Variants in GPRC5C observed in about 807,000 individuals in gnomAD.
The protein encoded by GPRC5C is G protein-coupled receptor family C group 5 member C.
GPRC5C carries 22 observed loss-of-function variants against 31.4 expected under a neutral mutation model. The ratio of observed to expected loss-of-function variants is 0.70; its 90% CI spans 0.50 to 1.00. The LOEUF (loss-of-function observed/expected upper bound fraction) is 1.00. Ranked by LOEUF, GPRC5C falls within the 50% of genes least tolerant of loss-of-function variation. The pLI, the probability that GPRC5C is intolerant of heterozygous loss-of-function variation, is 0.00. For synonymous variants in GPRC5C, 249 were observed against 257.5 expected, an observed-to-expected ratio of 0.97 and a Z score of 0.32; for missense variants, 557 against 597.2, an observed-to-expected ratio of 0.93 and a Z score of 0.70.
At chr17:74,448,318 T>G (rs1311251731), downstream of GPRC5C, among the ~76,000 whole-genome samples, 6 of 152,262 alleles carry the variant, frequency 3.9e-5, 1 homozygote, top group South Asian at 6.2e-4. Context: ...GAAAGTCAGT[T>G]TGTTCGGTAC....
intron 3 of GPRC5C, 129 bp downstream of exon 3, chr17:74,444,041 C>A: frequency 3.0e-6 from 2 of 667,552 alleles, no homozygotes; most frequent in Admixed American, 2.9e-5. Context: ...CAAGCTTCTC[C>A]ATCTGGTGCT....
At chr17:74,446,672 G>T (rs545139026) in intron 3 of GPRC5C, 177 bp from the exon 4 acceptor site, 94 of 588,528 alleles carry the variant, frequency 1.6e-4, no homozygotes, top group South Asian at 1.3e-3. Context: ...GAGATAAGGG[G>T]CTCAGGTCTG....
At chr17:74,434,656 C>T (rs1428583694) in intron 1 of GPRC5C, among the ~76,000 whole-genome samples, 2 of 152,240 alleles carry the variant, frequency 1.3e-5, no homozygotes, top group African/African-American at 2.4e-5. Context: ...GGAACGGTGG[C>T]TCACACTTGT....
chr17:74,450,681 A>G (rs143811229), downstream of GPRC5C: 2 of 152,296 alleles, frequency 1.3e-5, no homozygotes, highest in African/African-American at 2.4e-5. Flanking sequence ...GCCCTCGGAC[A>G]TGCTCCAGAG....
intron 1 of GPRC5C, among the ~76,000 whole-genome samples, chr17:74,437,395 C>T (rs1006339796): frequency 6.6e-6 from 1 of 152,118 alleles, no homozygotes; most frequent in African/African-American, 2.4e-5. Flanking sequence ...TTTAGGAAAA[C>T]AACAGTACAT....
chr17:74,449,527 A>C (rs2055690658), downstream of GPRC5C: 1 of 362,900 alleles, frequency 2.8e-6, no homozygotes. Context: ...TGAAGCCCTG[A>C]GTGTGTGACT....
At position 74,446,938 on chromosome 17, in the gene GPRC5C, C is replaced by T. The variant is rs755270194; in HGVS notation, c.1236C>T (p.Asp412=). The T allele has an allele frequency of 2.5e-6, 4 of 1,614,084 alleles. No homozygotes were observed. Among genetic ancestry groups the T allele is most frequent in the Non-Finnish European group, 3.4e-6 (4 of 1,180,028 alleles). Residue 412 remains aspartate (D), a synonymous_variant, in exon 4 of 4, where the codon GAC becomes GAT. Coordinates refer to ENST00000392627, the MANE Select transcript of GPRC5C (RefSeq NM_022036.4). The part of the protein sequence containing the change: ...GSANSTLRAE[D]MYSAQSHQAA... ...CCAACTCGACCCTGCGGGCTGAAGA[C>T]ATGTACTCGGCCCAGAGCCACCAGG...
At chr17:74,439,500 A>G (rs1448777952) in intron 1 of GPRC5C, among the ~76,000 whole-genome samples, 1 of 152,232 alleles carries the variant, frequency 6.6e-6, no homozygotes, top group Middle Eastern at 3.2e-3. Context: ...TGAAAATTCA[A>G]TGACAGGTTT....
At chr17:74,444,141 C>T (rs1429092914) in intron 3 of GPRC5C, among the ~76,000 whole-genome samples, 1 of 152,180 alleles carries the variant, frequency 6.6e-6, no homozygotes, top group Non-Finnish European at 1.5e-5. Context: ...CAGTGGGACC[C>T]GCCCTGTGTC....
chr17:74,447,388 G>C lies in GPRC5C; in HGVS notation c.*360G>C. ...TCAGGCCTGGATCTTGCTCCTCTGT[G>C]AGGAACAAGGGTGCCTAATAAATAC... On this transcript the variant is annotated 3_prime_UTR_variant, in exon 4 of 4. Transcript: ENST00000392627. 1 of 1,031,130 alleles carries C rather than the reference G, an allele frequency of 9.7e-7. No individual in the cohort carries two copies. The highest frequency in any genetic ancestry group is 1.2e-6 in the Non-Finnish European group (1 of 858,084). The allele number at this position is 1,031,130 out of a possible 1,614,324, so 63.9% of individuals were successfully genotyped here. A position where few individuals can be genotyped will look rare whatever the true frequency, so the allele number is the denominator to read the frequency against.
At chr17:74,449,488 C>T (rs578069518), downstream of GPRC5C, 53 of 562,814 alleles carry the variant, frequency 9.4e-5, no homozygotes, top group African/African-American at 8.8e-4. Flanking sequence ...AGGCCACCAA[C>T]CTGAAGCAGT....
In GPRC5C at chr17:74,447,287, T is replaced by C; in HGVS notation, c.*259T>C. The C allele has an allele frequency of 2.4e-6, 3 of 1,244,102 alleles. No individual in the cohort carries two copies. Among genetic ancestry groups the C allele is most frequent in the Non-Finnish European group, 3.0e-6 (3 of 989,446 alleles). The allele number at this position is 1,244,102 out of a possible 1,614,324, so 77.1% of individuals were successfully genotyped here. ...CGGCGGTCACACTCCAGCCAAATAG[T>C]GTTCTCGGGGTGGTGGCTGGGCAGC... On this transcript the variant is annotated 3_prime_UTR_variant, in exon 4 of 4. Coordinates refer to ENST00000392627, the MANE Select transcript of GPRC5C (RefSeq NM_022036.4).
chr17:74,437,854 T>A (rs371251886), intron 1 of GPRC5C, among the ~76,000 whole-genome samples: 4 of 152,190 alleles, frequency 2.6e-5, no homozygotes, highest in East Asian at 3.9e-4. Context: ...CAGCCACTAG[T>A]GGTCACTGTC....
At chr17:74,436,750 G>A (rs900449726) in intron 1 of GPRC5C, among the ~76,000 whole-genome samples, 2 of 152,166 alleles carry the variant, frequency 1.3e-5, no homozygotes, top group South Asian at 4.1e-4. Context: ...GCAGGTGTCC[G>A]GAGTCTAAGT....
rs1416395001 is a variant in GPRC5C at position 74,441,983 on chromosome 17, TATTTTTCAG to T, written c.1051+1157_1051+1165del. Among the ~76,000 whole-genome samples the T allele has an allele frequency of 3.9e-5, 6 of 152,332 alleles. No individual in the cohort carries two copies. In the East Asian group the frequency reaches 1.2e-3, roughly 29 times the overall value. Reference sequence around the variant, plus strand: ...CACCTTAGTTTTCTTTAAAAGGAAGTATTTTTCAGGTAATTTTTTTCTCTTTTTTTATTT... The same window carrying T: ...CACCTTAGTTTTCTTTAAAAGGAAGTGTAATTTTTTTCTCTTTTTTTATTT... On this transcript the variant is annotated intron_variant, in intron 2 of 3. Coordinates refer to ENST00000392627, the MANE Select transcript of GPRC5C (RefSeq NM_022036.4).
Position 74,447,105 on chromosome 17 carries a change from G to C in GPRC5C, c.*77G>C. ...TGGCCCCGGGCAAGGGACTCTCCAG[G>C]CTCCTCCTCCCCCTGGCAGGCCCAG... On this transcript the variant is annotated 3_prime_UTR_variant, in exon 4 of 4. Transcript: ENST00000392627. 4.6e-6 allele frequency: 7 copies of C among 1,525,988 alleles called. No individual in the cohort carries two copies. The highest frequency in any genetic ancestry group is 6.2e-6 in the Non-Finnish European group (7 of 1,135,018). The allele number at this position is 1,525,988 out of a possible 1,614,324, so 94.5% of individuals were successfully genotyped here.
intron 2 of GPRC5C, 124 bp from the exon 3 acceptor site, chr17:74,443,694 G>T (rs2055580640): frequency 2.5e-6 from 2 of 813,664 alleles, no homozygotes; most frequent in South Asian, 2.8e-5. Flanking sequence ...TAGAGACTAT[G>T]CCAGGGTTGG....
chr17:74,439,671 G>A lies in GPRC5C; in HGVS notation c.-32-74G>A. ...AGCACTATCTGCCTGGGTTTAGGTT[G>A]GGGGAAGCAGCACCATGTATATTGG... On this transcript the variant is annotated intron_variant, in intron 1 of 3. Transcript: ENST00000392627. The A allele has an allele frequency of 2.9e-6, 4 of 1,399,088 alleles. No individual in the cohort carries two copies. In the South Asian group the frequency reaches 5.4e-5, roughly 19 times the overall value. The allele number at this position is 1,399,088 out of a possible 1,614,324, so 86.7% of individuals were successfully genotyped here. A position where few individuals can be genotyped will look rare whatever the true frequency, so the allele number is the denominator to read the frequency against.
At position 74,447,056 on chromosome 17, in the gene GPRC5C, G is replaced by A. The variant is rs779453134; in HGVS notation, c.*28G>A. The stretch of plus-strand genomic sequence containing the variant: ...CAGCGGTGGCGAGGAGAGGCGGGCG[G>A]ATTTGGGGAGGGCCCTGAGGACCTG... On this transcript the variant is annotated 3_prime_UTR_variant, in exon 4 of 4. Coordinates refer to ENST00000392627, the MANE Select transcript of GPRC5C (RefSeq NM_022036.4). The A allele has an allele frequency of 9.4e-6, 15 of 1,594,540 alleles. No individual in the cohort carries two copies. Among genetic ancestry groups the A allele is most frequent in the Non-Finnish European group, 1.3e-5 (15 of 1,165,894 alleles).
Sources: allele counts gnomAD v4.1 joint callset (sites outside exome capture counted in the v4.1 genomes callset), GRCh38; gene constraint gnomAD v4.1.1; transcripts MANE v1.5; gene names NCBI Gene and HGNC (gene_info 2026-07-23, HGNC 2026-07-21).